TANK: variants seen among roughly 807,000 people sequenced by gnomAD.
The protein encoded by TANK is TRAF family member associated NFKB activator, also known as TRAF family member-associated NF-kappa-B activator.
TANK carries 15 observed loss-of-function variants against 43.6 expected under a neutral mutation model. That is an observed-to-expected ratio of 0.34 (90% CI 0.23 to 0.53). The LOEUF is 0.53. Ranked by LOEUF, TANK falls within the 20% of genes least tolerant of loss-of-function variation. The pLI is 0.94. For synonymous variants in TANK, 162 were observed against 178.2 expected, an observed-to-expected ratio of 0.91 and a Z score of 0.73; for missense variants, 417 against 498.6, an observed-to-expected ratio of 0.84 and a Z score of 1.56.
intron 7 of TANK, among the ~76,000 whole-genome samples, chr2:161,232,186 AT>A (rs1471250933): frequency 6.6e-6 from 1 of 152,172 alleles, no homozygotes; most frequent in Non-Finnish European, 1.5e-5. Flanking sequence ...ACAGACTAAT[AT>A]CCCCCAAACC....
intron 4 of TANK, chr2:161,216,329 C>T (rs1158487583): frequency 2.2e-6 from 1 of 456,360 alleles, no homozygotes; most frequent in African/African-American, 2.0e-5. Flanking sequence ...CCTTGCTTTC[C>T]TTCTTGCTTC....
chr2:161,181,303 C>T (rs1360997421), intron 2 of TANK, among the ~76,000 whole-genome samples: 1 of 152,100 alleles, frequency 6.6e-6, no homozygotes, highest in Non-Finnish European at 1.5e-5. Context: ...GCCTTTAATC[C>T]CAGCTACTTG....
intron 2 of TANK, among the ~76,000 whole-genome samples, chr2:161,196,502 C>T (rs1346461873): frequency 2.0e-5 from 3 of 152,044 alleles, no homozygotes; most frequent in Non-Finnish European, 4.4e-5. Context: ...TTCAGGCAAG[C>T]CTAGATTCAA....
At chr2:161,214,331 G>T (rs534377796) in intron 4 of TANK, among the ~76,000 whole-genome samples, 1 of 152,126 alleles carries the variant, frequency 6.6e-6, no homozygotes. Flanking sequence ...TCAAATAGTT[G>T]CACAAGTACT....
At chr2:161,196,455 T>C (rs190356352) in intron 2 of TANK, among the ~76,000 whole-genome samples, 124 of 152,228 alleles carry the variant, frequency 8.1e-4, no homozygotes, top group African/African-American at 2.9e-3. Flanking sequence ...ACTAATACGA[T>C]GTGGCATAGT....
intron 7 of TANK, among the ~76,000 whole-genome samples, chr2:161,234,819 C>A (rs1688100959): frequency 6.6e-6 from 1 of 152,032 alleles, no homozygotes; most frequent in African/African-American, 2.4e-5. Flanking sequence ...GGAAAATTTT[C>A]TTTTTAAAAA....
At chr2:161,205,088 G>T in intron 4 of TANK, 1 of 611,254 alleles carries the variant, frequency 1.6e-6, no homozygotes, top group Non-Finnish European at 2.2e-6. Context: ...ACTTTGGGAG[G>T]CCAAGGAGGG....
chr2:161,206,591 A>T (rs542821214), intron 4 of TANK, among the ~76,000 whole-genome samples: 3 of 152,084 alleles, frequency 2.0e-5, no homozygotes, highest in Non-Finnish European at 4.4e-5. Context: ...ATTTTAAACC[A>T]TTCTTTGAGT....
intron 1 of TANK, among the ~76,000 whole-genome samples, chr2:161,137,708 T>C (rs1324503449): frequency 6.6e-6 from 1 of 152,108 alleles, no homozygotes. Context: ...GCATGGTGGC[T>C]CACTCCTGTA....
intron 1 of TANK, 114 bp from the exon 2 acceptor site, chr2:161,179,500 T>C (rs1685321657): frequency 1.2e-6 from 1 of 846,492 alleles, no homozygotes; most frequent in Admixed American, 3.6e-5. Context: ...ATGTTTATAG[T>C]ACTTGGTGGT....
At chr2:161,154,781 G>A (rs940786313) in intron 1 of TANK, among the ~76,000 whole-genome samples, 6 of 145,804 alleles carry the variant, frequency 4.1e-5, no homozygotes, top group Admixed American at 2.1e-4. Context: ...GTCTCACTCT[G>A]TTGCCCAGGC....
intron 1 of TANK, among the ~76,000 whole-genome samples, chr2:161,172,374 T>TG (rs35094541): frequency 0.014 from 1,798 of 130,616 alleles, 23 homozygotes; most frequent in African/African-American, 0.036. Context: ...TTTTTTTTTT[T>TG]GGGGGTAAAA....
intron 2 of TANK, chr2:161,201,240 T>G: frequency 2.6e-5 from 25 of 970,366 alleles, no homozygotes; most frequent in Non-Finnish European, 3.1e-5. Flanking sequence ...CAATTTGAAA[T>G]AGCCATTGAT....
At chr2:161,216,639 A>G (rs1291623006) in intron 4 of TANK, among the ~76,000 whole-genome samples, 3 of 149,362 alleles carry the variant, frequency 2.0e-5, no homozygotes, top group Non-Finnish European at 4.4e-5. Context: ...GAATTTTATT[A>G]CTCAGGAAAG....
intron 1 of TANK, among the ~76,000 whole-genome samples, chr2:161,175,148 T>C (rs774365645): frequency 6.6e-6 from 1 of 152,114 alleles, no homozygotes. Context: ...GGTACCTTCA[T>C]GGGAGGAGAT....
chr2:161,198,555 G>A (rs1686260104), intron 2 of TANK, among the ~76,000 whole-genome samples: 1 of 152,154 alleles, frequency 6.6e-6, no homozygotes. Context: ...CCACGGCTGT[G>A]GATATTATTT....
intron 1 of TANK, among the ~76,000 whole-genome samples, chr2:161,141,862 G>C (rs1683759072): frequency 6.6e-6 from 1 of 151,998 alleles, no homozygotes; most frequent in Admixed American, 6.6e-5. Flanking sequence ...AGGATTGCTG[G>C]GTCAAATGGT....
intron 1 of TANK, among the ~76,000 whole-genome samples, chr2:161,149,258 A>G (rs1450147444): frequency 1.3e-5 from 2 of 152,142 alleles, no homozygotes; most frequent in East Asian, 1.9e-4. Context: ...GCCACTGTAA[A>G]TAGAATTTTC....
In TANK at chr2:161,223,957, G is replaced by T; in HGVS notation, c.370G>T (p.Ala124Ser). 6.2e-7 allele frequency: 1 copy of T among 1,602,664 alleles called. No homozygotes were observed. The highest frequency in any genetic ancestry group is 8.5e-7 in the Non-Finnish European group (1 of 1,172,576). ...TTCTTCTCCTAGAAAAGAAACTTCA[G>T]CAAGGAGTCTTGGCAGTCCTTTGCT... ...EVSSPRKETS[A>S]RSLGSPLLHE... Residue 124 changes from alanine (A) to serine (S), a missense_variant, in exon 5 of 8, where the codon GCA becomes TCA. Physicochemically the swap from Ala to Ser is moderately conservative, Grantham distance 99. Transcript: ENST00000392749.
Sources: allele counts gnomAD v4.1 joint callset (sites outside exome capture counted in the v4.1 genomes callset), GRCh38; gene constraint gnomAD v4.1.1; transcripts MANE v1.5; gene names NCBI Gene and HGNC (gene_info 2026-07-23, HGNC 2026-07-21).